The following ERC2 variants were observed in gnomAD, a reference collection of about 807,000 sequenced individuals.
ERC2 encodes ERC protein 2.
ERC2 carries 42 observed loss-of-function variants against 114.8 expected under a neutral mutation model. The ratio of observed to expected loss-of-function variants is 0.37; its 90% CI spans 0.29 to 0.47. ERC2 has a LOEUF of 0.47. Ranked by LOEUF, ERC2 falls within the 20% of genes least tolerant of loss-of-function variation. ERC2 has a pLI of 0.99. For missense variants in ERC2, 939 were observed against 1,150.7 expected (o/e 0.82, Z 2.66); for synonymous variants, 454 against 425.5 (o/e 1.07, Z -0.82).
intron 12 of ERC2, among the ~76,000 whole-genome samples, chr3:55,961,542 TC>T (rs1330669148): frequency 1.8e-4 from 28 of 152,118 alleles, no homozygotes; most frequent in Admixed American, 1.8e-3. Context: ...ACACCTACCT[TC>T]TTGTCTTCTC....
At chr3:56,030,074 G>A (rs1448600330) in intron 7 of ERC2, among the ~76,000 whole-genome samples, 2 of 152,006 alleles carry the variant, frequency 1.3e-5, no homozygotes, top group Non-Finnish European at 2.9e-5. Context: ...TCGACTATGG[G>A]TTACTTAGCA....
At chr3:55,743,800 G>A (rs946053713) in intron 14 of ERC2, among the ~76,000 whole-genome samples, 2 of 152,076 alleles carry the variant, frequency 1.3e-5, no homozygotes, top group African/African-American at 4.8e-5. Context: ...CCTTTTGACT[G>A]TGGCCCTGGG....
Position 56,148,992 on chromosome 3 carries a change from C to T in ERC2, c.1290G>A (p.Lys430=). The change falls in exon 5 of 18, where the codon AAG becomes AAA. Residue 430 remains lysine (K), a synonymous_variant. Coordinates refer to ENST00000288221, the MANE Select transcript of ERC2 (RefSeq NM_015576.3). ...TGGACCGTACCTTGGTCTTCATAAA[C>T]TTGGAGTGACTTTTGTAAACCTCAA... is the stretch of plus-strand genomic sequence containing the variant. ...KQIEVYKSHS[K]FMKTKIDQLK... 1 of 1,613,188 alleles carries T rather than the reference C, an allele frequency of 6.2e-7. No homozygotes were observed. Among genetic ancestry groups the T allele is most frequent in the Non-Finnish European group, 8.5e-7 (1 of 1,179,464 alleles).
chr3:56,055,447 G>A (rs1400350386), intron 7 of ERC2, among the ~76,000 whole-genome samples: 2 of 152,116 alleles, frequency 1.3e-5, no homozygotes, highest in African/African-American at 2.4e-5. Flanking sequence ...GAAATGGTTT[G>A]ATTATCTTTA....
At chr3:56,158,017 G>A (rs1022828825) in intron 4 of ERC2, among the ~76,000 whole-genome samples, 2 of 152,232 alleles carry the variant, frequency 1.3e-5, no homozygotes, top group Non-Finnish European at 2.9e-5. Flanking sequence ...GGAGAGGGCA[G>A]GGACTGCTGG....
intron 17 of ERC2, among the ~76,000 whole-genome samples, chr3:55,528,690 G>A (rs574008928): frequency 5.3e-5 from 8 of 152,276 alleles, no homozygotes; most frequent in Non-Finnish European, 1.0e-4. Context: ...GATAAACAAG[G>A]TCTAGTCCTT....
chr3:56,270,126 G>A (rs1379105176), intron 3 of ERC2, among the ~76,000 whole-genome samples: 2 of 150,346 alleles, frequency 1.3e-5, no homozygotes, highest in Non-Finnish European at 3.0e-5. Context: ...TCAATTAGCT[G>A]AAAAACAAAT....
At chr3:56,004,200 C>G (rs1051485465) in intron 10 of ERC2, among the ~76,000 whole-genome samples, 1 of 152,020 alleles carries the variant, frequency 6.6e-6, no homozygotes, top group Non-Finnish European at 1.5e-5. Context: ...GGTAAATTTA[C>G]TCCCCCATTT....
At chr3:56,192,921 A>T (rs1000282531) in intron 3 of ERC2, among the ~76,000 whole-genome samples, 7 of 152,202 alleles carry the variant, frequency 4.6e-5, no homozygotes, top group African/African-American at 1.7e-4. Flanking sequence ...CCCACTAAGT[A>T]GTACCACTAA....
intron 2 of ERC2, among the ~76,000 whole-genome samples, chr3:56,345,605 A>G (rs1325292512): frequency 6.6e-6 from 1 of 152,222 alleles, no homozygotes; most frequent in Non-Finnish European, 1.5e-5. Context: ...GAGGAAGACT[A>G]CAGAGCTGGG....
At chr3:56,101,423 A>G (rs13315826) in intron 6 of ERC2, among the ~76,000 whole-genome samples, 26,097 of 152,114 alleles carry the variant, frequency 0.17, 2,441 homozygotes, top group African/African-American at 0.23. Context: ...TTTCATTCTA[A>G]TTCCTCTTTA....
At chr3:56,351,339 C>A (rs147097204) in intron 2 of ERC2, among the ~76,000 whole-genome samples, 1 of 151,986 alleles carries the variant, frequency 6.6e-6, no homozygotes, top group Non-Finnish European at 1.5e-5. Flanking sequence ...ACCATTTGTA[C>A]GCATCCTTTT....
intron 5 of ERC2, among the ~76,000 whole-genome samples, chr3:56,140,317 A>G (rs1476388416): frequency 6.6e-6 from 1 of 152,072 alleles, no homozygotes; most frequent in African/African-American, 2.4e-5. Flanking sequence ...ACCACCCCAA[A>G]TTTTGTGTTT....
intron 14 of ERC2, among the ~76,000 whole-genome samples, chr3:55,817,838 G>C (rs2059964108): frequency 6.6e-6 from 1 of 152,222 alleles, no homozygotes; most frequent in Admixed American, 6.5e-5. Flanking sequence ...TTCAGTAAAT[G>C]TTAGTCTCAT....
intron 17 of ERC2, among the ~76,000 whole-genome samples, chr3:55,632,580 G>A (rs1195170214): frequency 6.6e-6 from 1 of 152,182 alleles, no homozygotes; most frequent in Non-Finnish European, 1.5e-5. Flanking sequence ...TTGGCCATGT[G>A]TTATGTCCCA....
chr3:56,361,207 A>G (rs527797175), intron 2 of ERC2, among the ~76,000 whole-genome samples: 151 of 152,302 alleles, frequency 9.9e-4, no homozygotes, highest in African/African-American at 3.5e-3. Flanking sequence ...CTGCTGCACC[A>G]GGACGGATTA....
At chr3:55,608,631 G>C (rs1479187944) in intron 17 of ERC2, among the ~76,000 whole-genome samples, 3 of 152,140 alleles carry the variant, frequency 2.0e-5, no homozygotes, top group Non-Finnish European at 4.4e-5. Context: ...AAAATAAAAT[G>C]AGAAATTCGA....
At chr3:55,729,281 T>C (rs1379505101) in intron 15 of ERC2, among the ~76,000 whole-genome samples, 1 of 152,132 alleles carries the variant, frequency 6.6e-6, no homozygotes, top group African/African-American at 2.4e-5. Flanking sequence ...AACACACACG[T>C]ACACTTCTGC....
chr3:55,796,627 T>C (rs1376124400), intron 14 of ERC2, among the ~76,000 whole-genome samples: 1 of 152,200 alleles, frequency 6.6e-6, no homozygotes, highest in African/African-American at 2.4e-5. Context: ...GGTTTCACCA[T>C]GTTGGCCAGG....
Sources: gnomAD v4.1 joint callset for allele counts (sites outside exome capture counted in the v4.1 genomes callset) on GRCh38, gnomAD v4.1.1 for gene constraint, MANE v1.5 for transcripts, NCBI Gene and HGNC (gene_info 2026-07-23, HGNC 2026-07-21) for gene names.